Variants in NGLY1 observed in about 807,000 individuals in gnomAD.
NGLY1 encodes the protein N-glycanase 1.
NGLY1 carries 68 observed loss-of-function variants against 84.6 expected under a neutral mutation model. That is an observed-to-expected ratio of 0.80 (90% CI 0.66 to 0.98). The LOEUF is 0.98. Ranked by LOEUF, NGLY1 falls within the 50% of genes least tolerant of loss-of-function variation. NGLY1 has a pLI of 0.00. For synonymous variants in NGLY1, 280 were observed against 275.2 expected, an observed-to-expected ratio of 1.02 and a Z score of -0.17; for missense variants, 779 against 770.2, an observed-to-expected ratio of 1.01 and a Z score of -0.14.
At chr3:25,765,617 C>G (rs1369466828) in intron 2 of NGLY1, among the ~76,000 whole-genome samples, 1 of 152,174 alleles carries the variant, frequency 6.6e-6, no homozygotes. Context: ...ACATGAAAGT[C>G]AATTCCATCT....
chr3:25,762,727 G>A (rs962751925), intron 3 of NGLY1, among the ~76,000 whole-genome samples: 3 of 152,126 alleles, frequency 2.0e-5, no homozygotes, highest in Non-Finnish European at 2.9e-5. Context: ...CAAGGCAGGT[G>A]GATCACTTGA....
At chr3:25,762,919 A>G (rs1426666321) in intron 3 of NGLY1, among the ~76,000 whole-genome samples, 1 of 152,180 alleles carries the variant, frequency 6.6e-6, no homozygotes, top group Non-Finnish European at 1.5e-5. Flanking sequence ...GTGCCATTGC[A>G]TTCTAGCCTG....
Position 25,751,171 on chromosome 3 carries a change from C to A in NGLY1, c.585G>T (p.Leu195Phe). ...YENPALQEKALACIPVQELKR... is the reference protein window; with the variant it reads ...YENPALQEKAFACIPVQELKR... ...TTAGTTCTTGGACCGGAATACAAGC[C>A]AACGCTTTCTCCTGAAGAGCAGGAT... Residue 195 changes from leucine to phenylalanine, a missense_variant, in exon 4 of 12, where the codon TTG becomes TTT. By Grantham distance (22) the Leu-to-Phe change is conservative. Coordinates refer to ENST00000280700, the MANE Select transcript of NGLY1 (RefSeq NM_018297.4). 1 of 1,613,454 alleles carries A rather than the reference C, an allele frequency of 6.2e-7. No homozygotes were observed.
intron 3 of NGLY1, chr3:25,755,675 T>C (rs1707002806): frequency 4.1e-6 from 6 of 1,456,168 alleles, no homozygotes; most frequent in East Asian, 2.3e-5. Flanking sequence ...AATGATACTA[T>C]GTAAGGAATT....
chr3:25,728,587 A>G (rs1002396236), intron 10 of NGLY1, among the ~76,000 whole-genome samples: 6 of 152,144 alleles, frequency 3.9e-5, no homozygotes, highest in Admixed American at 6.6e-5. Context: ...ATGAACTGCT[A>G]TAGTCCTAAC....
chr3:25,750,855 A>T (rs1468920252), intron 4 of NGLY1, among the ~76,000 whole-genome samples: 1 of 152,112 alleles, frequency 6.6e-6, no homozygotes, highest in Non-Finnish European at 1.5e-5. Context: ...CCCCACCTAT[A>T]CCAGAATCCA....
intron 4 of NGLY1, among the ~76,000 whole-genome samples, chr3:25,749,040 T>G (rs1173242964): frequency 6.6e-6 from 1 of 152,148 alleles, no homozygotes; most frequent in Non-Finnish European, 1.5e-5. Flanking sequence ...AAAACTACAG[T>G]GACATACCGC....
intron 2 of NGLY1, among the ~76,000 whole-genome samples, chr3:25,772,197 G>A (rs913992060): frequency 1.3e-5 from 2 of 152,156 alleles, no homozygotes; most frequent in Non-Finnish European, 2.9e-5. Context: ...CTTAAGGTAT[G>A]TCCCTTCTAT....
intron 3 of NGLY1, among the ~76,000 whole-genome samples, chr3:25,759,197 C>T (rs1028671938): frequency 5.9e-5 from 9 of 151,970 alleles, no homozygotes; most frequent in Admixed American, 2.0e-4. Context: ...AGACACATTG[C>T]CTCCATTACA....
At chr3:25,766,066 T>C (rs1476199713) in intron 2 of NGLY1, among the ~76,000 whole-genome samples, 2 of 151,158 alleles carry the variant, frequency 1.3e-5, no homozygotes, top group Non-Finnish European at 2.9e-5. Context: ...ATTAGATTAA[T>C]ACTTTTTTTT....
chr3:25,731,767 A>G (rs1575614232), intron 9 of NGLY1, among the ~76,000 whole-genome samples: 1 of 152,184 alleles, frequency 6.6e-6, no homozygotes, highest in Admixed American at 6.6e-5. Flanking sequence ...TACACGTTGC[A>G]ACATGTATCT....
intron 10 of NGLY1, among the ~76,000 whole-genome samples, chr3:25,726,203 T>C (rs1705251497): frequency 6.6e-6 from 1 of 152,102 alleles, no homozygotes; most frequent in South Asian, 2.1e-4. Flanking sequence ...TACATAGCCC[T>C]AGGGTGATGC....
At chr3:25,772,570 T>C (rs1273009160) in intron 2 of NGLY1, among the ~76,000 whole-genome samples, 1 of 152,208 alleles carries the variant, frequency 6.6e-6, no homozygotes, top group East Asian at 1.9e-4. Flanking sequence ...AGAGAATACA[T>C]GGTTGGTAAA....
intron 1 of NGLY1, chr3:25,789,749 T>A (rs1708680898): frequency 7.8e-7 from 1 of 1,279,588 alleles, no homozygotes; most frequent in Non-Finnish European, 1.1e-6. Flanking sequence ...TTTCCTTAAT[T>A]CTTTCTTACA....
intron 4 of NGLY1, among the ~76,000 whole-genome samples, chr3:25,744,834 C>A (rs961882284): frequency 2.6e-5 from 4 of 152,158 alleles, no homozygotes; most frequent in Admixed American, 2.6e-4. Context: ...GGAGCTGCAG[C>A]AGCCATTTTG....
chr3:25,719,895 T>TC lies in NGLY1; in HGVS notation c.1789+118_1789+119insG, dbSNP rs1553650042. 18 of 906,216 alleles carry TC rather than the reference T, an allele frequency of 2.0e-5. No individual in the cohort carries two copies. The African/African-American group carries it at 3.1e-4, about 15-fold the overall frequency. The allele number at this position is 906,216 out of a possible 1,614,324, so 56.1% of individuals were successfully genotyped here. A position where few individuals can be genotyped will look rare whatever the true frequency, so the allele number is the denominator to read the frequency against. On this transcript the variant is annotated intron_variant, in intron 11 of 11. Coordinates refer to ENST00000280700, the MANE Select transcript of NGLY1 (RefSeq NM_018297.4). ...AGGGTTTATTAAATTTTTTTTTTTTTACTGAAATAGTATTAATAACTCTTA... is the reference window on the plus strand; with the variant it reads ...AGGGTTTATTAAATTTTTTTTTTTTTCACTGAAATAGTATTAATAACTCTTA...
upstream of NGLY1, chr3:25,784,151 T>A (rs148622023): frequency 1.4e-3 from 212 of 152,320 alleles, no homozygotes; most frequent in African/African-American, 5.0e-3. Context: ...GGCTATAAAC[T>A]CTGCTGGGTT....
chr3:25,730,200 T>C (rs1054272927), intron 9 of NGLY1: 1 of 152,062 alleles, frequency 6.6e-6, no homozygotes, highest in Non-Finnish European at 1.5e-5. Context: ...AATTCTAAGA[T>C]TAAAATAAAA....
At chr3:25,772,059 T>C (rs563446012) in intron 2 of NGLY1, among the ~76,000 whole-genome samples, 1 of 152,344 alleles carries the variant, frequency 6.6e-6, no homozygotes, top group Non-Finnish European at 1.5e-5. Flanking sequence ...GGACTTCCAG[T>C]ACTATGTTGA....
Sources: allele counts gnomAD v4.1 joint callset (sites outside exome capture counted in the v4.1 genomes callset), GRCh38; gene constraint gnomAD v4.1.1; transcripts MANE v1.5; gene names NCBI Gene and HGNC (gene_info 2026-07-23, HGNC 2026-07-21).